ARRB1: variants seen among roughly 807,000 people sequenced by gnomAD.
ARRB1 encodes arrestin beta 1.
Under a neutral mutation model 56.8 loss-of-function variants are expected in ARRB1, and 21 were observed. The observed-to-expected ratio is 0.37, with a 90% CI of 0.26 to 0.53. The LOEUF (loss-of-function observed/expected upper bound fraction) is 0.53, where lower values mean the gene tolerates loss of function less well. Among genes scored for constraint, ARRB1 ranks in the 20% least tolerant of loss-of-function variants. The probability of loss-of-function intolerance (pLI) is 0.88; values close to 1 mark genes in which losing one functional copy is unlikely to be tolerated. For missense variants in ARRB1, 424 were observed against 553.7 expected, an observed-to-expected ratio of 0.77 and a Z score of 2.35; for synonymous variants, 210 against 218.6, an observed-to-expected ratio of 0.96 and a Z score of 0.35.
intron 1 of ARRB1, among the ~76,000 whole-genome samples, chr11:75,348,252 A>G (rs1399225892): frequency 2.0e-5 from 3 of 152,140 alleles, no homozygotes; most frequent in African/African-American, 7.2e-5. Flanking sequence ...GGCCAGAAAT[A>G]TCATTCCCAA....
At chr11:75,281,194 G>C in intron 6 of ARRB1, 52 bp from the exon 7 acceptor site, 2 of 1,517,634 alleles carry the variant, frequency 1.3e-6, no homozygotes, top group South Asian at 1.2e-5. Flanking sequence ...AGGGTCCCCA[G>C]TACACAGCCA....
chr11:75,270,541 T>C (rs1475120158), intron 13 of ARRB1, among the ~76,000 whole-genome samples: 1 of 151,692 alleles, frequency 6.6e-6, no homozygotes, highest in Non-Finnish European at 1.5e-5. Context: ...GGCAGAGAAC[T>C]GCTTGAACCT....
chr11:75,312,248 C>G (rs1252994374), intron 1 of ARRB1: 10 of 929,434 alleles, frequency 1.1e-5, no homozygotes, highest in Non-Finnish European at 1.5e-5. Flanking sequence ...TGAGAACAGG[C>G]CTGCCCCTGG....
At chr11:75,333,253 G>T (rs778418279) in intron 1 of ARRB1, among the ~76,000 whole-genome samples, 1 of 152,244 alleles carries the variant, frequency 6.6e-6, no homozygotes, top group Non-Finnish European at 1.5e-5. Context: ...CACAGTTGTG[G>T]GTGGCCATTC....
intron 1 of ARRB1, among the ~76,000 whole-genome samples, chr11:75,324,318 C>T (rs537616948): frequency 2.2e-4 from 34 of 152,312 alleles, no homozygotes; most frequent in Non-Finnish European, 3.7e-4. Flanking sequence ...GCTGGGACAG[C>T]GCCTAGCACA....
chr11:75,273,742 G>C (rs1246092757), intron 11 of ARRB1, among the ~76,000 whole-genome samples: 1 of 152,080 alleles, frequency 6.6e-6, no homozygotes, highest in Non-Finnish European at 1.5e-5. Context: ...CTCTCCTCAG[G>C]GACACCCCAT....
chr11:75,284,067 A>G (rs1320709), intron 4 of ARRB1, among the ~76,000 whole-genome samples, 168 bp downstream of exon 4: 140,653 of 152,250 alleles, frequency 0.92, 65,068 homozygotes, highest in African/African-American at 0.94. Flanking sequence ...TCCCAAAGTA[A>G]GCTTGGGGCA....
intron 1 of ARRB1, among the ~76,000 whole-genome samples, chr11:75,321,924 C>G (rs912124048): frequency 1.3e-5 from 2 of 152,216 alleles, no homozygotes; most frequent in Non-Finnish European, 2.9e-5. Flanking sequence ...GGGCTCTGCA[C>G]TACACAACTC....
At chr11:75,335,896 C>G (rs1947595927) in intron 1 of ARRB1, among the ~76,000 whole-genome samples, 1 of 152,218 alleles carries the variant, frequency 6.6e-6, no homozygotes, top group Non-Finnish European at 1.5e-5. Context: ...TTATTGTCCC[C>G]CTTTTATAGA....
At chr11:75,293,561 G>A (rs553120124) in intron 1 of ARRB1, among the ~76,000 whole-genome samples, 1 of 152,236 alleles carries the variant, frequency 6.6e-6, no homozygotes, top group South Asian at 2.1e-4. Flanking sequence ...TTTCCAGGAT[G>A]CCAGAGGCAG....
Position 75,334,940 on chromosome 11 carries a change from G to T in ARRB1, c.20+16648C>A, listed in dbSNP as rs566488318. ...ACAGAGCTTGGAAGGTTTTTTTTTTGTTTGTTTGTTTGTTTTAAAAAAAAA... is the reference window on the plus strand; with the variant it reads ...ACAGAGCTTGGAAGGTTTTTTTTTTTTTTGTTTGTTTGTTTTAAAAAAAAA... On this transcript the variant is annotated intron_variant, in intron 1 of 15. Coordinates refer to ENST00000420843, the MANE Select transcript of ARRB1 (RefSeq NM_004041.5). Among the ~76,000 whole-genome samples the T allele has an allele frequency of 1.2e-3, 176 of 146,256 alleles. 2 individuals are homozygous for T. The South Asian group carries it at 0.022, about 19-fold the overall frequency.
At chr11:75,300,614 G>A (rs1219222198) in intron 1 of ARRB1, among the ~76,000 whole-genome samples, 4 of 152,202 alleles carry the variant, frequency 2.6e-5, no homozygotes, top group African/African-American at 4.8e-5. Context: ...GGCGGATCAT[G>A]TGGTCAAGAG....
intron 1 of ARRB1, among the ~76,000 whole-genome samples, chr11:75,338,813 CT>C (rs1947651835): frequency 6.6e-6 from 1 of 152,166 alleles, no homozygotes; most frequent in East Asian, 1.9e-4. Context: ...AAAAAAAAAT[CT>C]CCTTATTGAG....
rs911757134 is a variant in ARRB1 at position 75,262,812 on chromosome 11, A to T, written c.*3351T>A. ...AGGACAGAGTTCCTTTCACTGCACC[A>T]TGTAGGAACCAGCTTGTCAGGAACT... On this transcript the variant is annotated 3_prime_UTR_variant, in exon 16 of 16. Transcript: ENST00000420843. 6.6e-6 allele frequency among the ~76,000 whole-genome samples: 1 copy of T among 152,174 alleles called. No individual in the cohort carries two copies. Among genetic ancestry groups the T allele is most frequent in the Non-Finnish European group, 1.5e-5 (1 of 68,024 alleles).
In ARRB1 at chr11:75,260,692, T is replaced by G. The variant is rs1336865060; in HGVS notation, c.*5471A>C. 1 of 152,350 alleles carries G rather than the reference T, an allele frequency of 6.6e-6. No homozygotes were observed. Among genetic ancestry groups the G allele is most frequent in the Non-Finnish European group, 1.5e-5 (1 of 68,148 alleles). The allele number at this position is 152,350 out of a possible 1,614,324, so 9.4% of individuals were successfully genotyped here. ...TAATACACCCGTGTCATGCGCTTGC[T>G]GTGCCCTGAGCTTCACATTTTCACC... On this transcript the variant is annotated 3_prime_UTR_variant, in exon 16 of 16. Coordinates refer to ENST00000420843, the MANE Select transcript of ARRB1 (RefSeq NM_004041.5).
At chr11:75,339,396 T>A (rs1196117353) in intron 1 of ARRB1, among the ~76,000 whole-genome samples, 1 of 152,230 alleles carries the variant, frequency 6.6e-6, no homozygotes, top group East Asian at 1.9e-4. Flanking sequence ...TCACCCTAGT[T>A]TTTTTGTCCT....
intron 1 of ARRB1, among the ~76,000 whole-genome samples, chr11:75,339,038 T>A (rs1001685473): frequency 1.3e-5 from 2 of 152,200 alleles, no homozygotes; most frequent in Non-Finnish European, 2.9e-5. Context: ...GCCTGCTGCC[T>A]CCTCTCCACC....
At chr11:75,343,728 G>GA (rs1947724151) in intron 1 of ARRB1, among the ~76,000 whole-genome samples, 1 of 152,206 alleles carries the variant, frequency 6.6e-6, no homozygotes, top group African/African-American at 2.4e-5. Flanking sequence ...ATGCTAATCA[G>GA]ATCACCGAAG....
chr11:75,329,397 C>A (rs184950148), intron 1 of ARRB1, among the ~76,000 whole-genome samples: 30 of 152,254 alleles, frequency 2.0e-4, no homozygotes, highest in South Asian at 4.2e-4. Flanking sequence ...AGCCACTGAA[C>A]CTTGCTGCTG....
Sources: allele counts gnomAD v4.1 joint callset (sites outside exome capture counted in the v4.1 genomes callset), GRCh38; gene constraint gnomAD v4.1.1; transcripts MANE v1.5; gene names NCBI Gene and HGNC (gene_info 2026-07-23, HGNC 2026-07-21).